CALN1: variants seen among roughly 807,000 people sequenced by gnomAD.
CALN1 encodes calcium-binding protein 8.
CALN1 carries 17 observed loss-of-function variants against 30.6 expected under a neutral mutation model. The ratio of observed to expected loss-of-function variants is 0.56; its 90% confidence interval spans 0.38 to 0.83. The LOEUF (loss-of-function observed/expected upper bound fraction) is 0.83. CALN1 is among the 40% of genes least tolerant of loss of function. The pLI is 0.00. For synonymous variants in CALN1, 156 were observed against 131.4 expected (o/e 1.19, Z -1.28); for missense variants, 291 against 354.9 (o/e 0.82, Z 1.45).
At chr7:72,168,807 T>TA (rs1554463088) in intron 3 of CALN1, among the ~76,000 whole-genome samples, 32,653 of 128,224 alleles carry the variant, frequency 0.25, 4,527 homozygotes, top group East Asian at 0.58. Flanking sequence ...TTATTATTAT[T>TA]TTTTTTTTTT....
intron 3 of CALN1, among the ~76,000 whole-genome samples, chr7:72,167,198 T>C (rs995021175): frequency 3.9e-5 from 6 of 152,216 alleles, no homozygotes; most frequent in Non-Finnish European, 7.3e-5. Flanking sequence ...ATGGAAACCC[T>C]TGCACCATGA....
chr7:71,957,529 G>C (rs192156512), intron 5 of CALN1, among the ~76,000 whole-genome samples: 1 of 152,044 alleles, frequency 6.6e-6, no homozygotes, highest in African/African-American at 2.4e-5. Flanking sequence ...ACGATCTGTC[G>C]CCTGTACTGA....
chr7:72,498,541 G>GA, the CALN1 span, among the ~76,000 whole-genome samples: 19 of 151,956 alleles, frequency 1.3e-4, no homozygotes, highest in African/African-American at 3.4e-4. Flanking sequence ...AGTATAAAAA[G>GA]AAAAAACTGT....
intron 4 of CALN1, among the ~76,000 whole-genome samples, chr7:72,040,468 G>T (rs1563001482): frequency 6.6e-6 from 1 of 152,188 alleles, no homozygotes; most frequent in Non-Finnish European, 1.5e-5. Context: ...ATGGGCAACA[G>T]AGAAAGACCC....
chr7:72,200,652 G>A (rs891685751), intron 3 of CALN1, among the ~76,000 whole-genome samples: 3 of 151,752 alleles, frequency 2.0e-5, no homozygotes, highest in Admixed American at 6.6e-5. Context: ...ATGCCCCTGG[G>A]GGATGCGGTC....
At chr7:72,487,094 T>G in the CALN1 span, among the ~76,000 whole-genome samples, 1 of 151,986 alleles carries the variant, frequency 6.6e-6, no homozygotes, top group Admixed American at 6.6e-5. Context: ...TCTGTTGCCC[T>G]GGCTGGAGTA....
chr7:71,970,037 C>G (rs1481994981), intron 5 of CALN1, among the ~76,000 whole-genome samples: 3 of 152,090 alleles, frequency 2.0e-5, no homozygotes, highest in Non-Finnish European at 4.4e-5. Flanking sequence ...GTTGCCTAGA[C>G]TGGTCTCAAA....
chr7:71,820,947 G>T (rs1189738266), intron 5 of CALN1, among the ~76,000 whole-genome samples: 8 of 152,186 alleles, frequency 5.3e-5, no homozygotes, highest in Non-Finnish European at 8.8e-5. Flanking sequence ...TGTGTGTGGT[G>T]TGTGAAGGCG....
intron 3 of CALN1, among the ~76,000 whole-genome samples, chr7:72,251,024 T>C (rs1462818896): frequency 2.6e-5 from 4 of 152,108 alleles, no homozygotes; most frequent in East Asian, 1.9e-4. Context: ...CTCCATTCCA[T>C]TAAAGACATA....
At chr7:72,264,525 G>A (rs1055193664) in intron 3 of CALN1, among the ~76,000 whole-genome samples, 2 of 148,910 alleles carry the variant, frequency 1.3e-5, no homozygotes, top group Non-Finnish European at 3.0e-5. Context: ...ACAGGGTCTC[G>A]CTCTGTTGCC....
At chr7:72,340,736 A>G (rs1421437920) in intron 2 of CALN1, among the ~76,000 whole-genome samples, 1 of 152,154 alleles carries the variant, frequency 6.6e-6, no homozygotes, top group African/African-American at 2.4e-5. Flanking sequence ...CTGTATTCCC[A>G]TAATTCCCAC....
At chr7:71,897,163 A>G (rs1793574762) in intron 5 of CALN1, among the ~76,000 whole-genome samples, 1 of 152,162 alleles carries the variant, frequency 6.6e-6, no homozygotes, top group South Asian at 2.1e-4. Context: ...GCCTCCTGTA[A>G]TATCTGTGAG....
intron 5 of CALN1, among the ~76,000 whole-genome samples, chr7:71,842,598 C>T (rs114378705): frequency 0.058 from 8,833 of 152,252 alleles, 854 homozygotes; most frequent in African/African-American, 0.2. Context: ...CAGAGAAATA[C>T]ACCGGTACAT....
chr7:72,390,049 T>C (rs552028344), intron 2 of CALN1, among the ~76,000 whole-genome samples: 2 of 152,212 alleles, frequency 1.3e-5, no homozygotes, highest in South Asian at 2.1e-4. Context: ...TTCTATGGGC[T>C]GGCTGGGTGG....
At chr7:71,855,157 T>C (rs937917114) in intron 5 of CALN1, among the ~76,000 whole-genome samples, 2 of 152,106 alleles carry the variant, frequency 1.3e-5, no homozygotes, top group Non-Finnish European at 2.9e-5. Flanking sequence ...CTAAGGGGAA[T>C]TGAAAAATAA....
intron 5 of CALN1, among the ~76,000 whole-genome samples, chr7:71,960,171 AAAT>A (rs1429150993): frequency 1.5e-5 from 2 of 137,162 alleles, no homozygotes; most frequent in East Asian, 2.2e-4. Context: ...ATAAATAAAT[AAAT>A]AAATAAATAA....
chr7:72,376,469 A>G (rs1252546107), intron 2 of CALN1, among the ~76,000 whole-genome samples: 2 of 152,186 alleles, frequency 1.3e-5, no homozygotes, highest in Non-Finnish European at 2.9e-5. Flanking sequence ...ATGACAGATG[A>G]CTGAGCATCT....
intron 3 of CALN1, among the ~76,000 whole-genome samples, chr7:72,106,940 A>G (rs1807205874): frequency 6.6e-6 from 1 of 151,768 alleles, no homozygotes; most frequent in Admixed American, 6.6e-5. Flanking sequence ...GCAGACAAGG[A>G]AAAAAAGAAA....
At chr7:71,789,101 C>A (rs2115852971) in intron 6 of CALN1, among the ~76,000 whole-genome samples, 1 of 151,702 alleles carries the variant, frequency 6.6e-6, no homozygotes, top group South Asian at 2.1e-4. Flanking sequence ...CCATGCTTGG[C>A]CACTGGGAGG....
Sources: gnomAD v4.1 joint callset for allele counts (sites outside exome capture counted in the v4.1 genomes callset) on GRCh38, gnomAD v4.1.1 for gene constraint, MANE v1.5 for transcripts, NCBI Gene and HGNC (gene_info 2026-07-23, HGNC 2026-07-21) for gene names.